Variants in DPRX observed in about 807,000 individuals in gnomAD.
DPRX encodes divergent paired-related homeobox.
In DPRX, 11 loss-of-function variants were observed where a neutral mutation model predicts 8.4. That is an observed-to-expected ratio of 1.31 (90% CI 0.82 to 2.17). DPRX has a LOEUF of 2.17. DPRX is among the 30% of genes most tolerant of loss of function. The pLI is 0.00. For missense variants in DPRX, 211 were observed against 236.7 expected, an observed-to-expected ratio of 0.89 and a Z score of 0.71; for synonymous variants, 72 against 87.0, an observed-to-expected ratio of 0.83 and a Z score of 0.96.
chr19:53,622,891 A>G, the DPRX span, among the ~76,000 whole-genome samples: 1 of 152,134 alleles, frequency 6.6e-6, no homozygotes, highest in Non-Finnish European at 1.5e-5. Flanking sequence ...TATTCTAACT[A>G]CTAGGGTCAC....
intron 1 of DPRX, 70 bp downstream of exon 1, chr19:53,632,204 A>T: frequency 6.2e-7 from 1 of 1,609,316 alleles, no homozygotes. Context: ...CGGCGGGAAA[A>T]GGCAGAGGGA....
chr19:53,632,353 T>G (rs2091095976), intron 1 of DPRX, among the ~76,000 whole-genome samples: 1 of 152,108 alleles, frequency 6.6e-6, no homozygotes, highest in Non-Finnish European at 1.5e-5. Context: ...CAGGCTGGAG[T>G]GCAGTGGCAC....
intron 1 of DPRX, among the ~76,000 whole-genome samples, chr19:53,632,552 G>A (rs553617629): frequency 3.3e-5 from 5 of 151,458 alleles, no homozygotes; most frequent in Admixed American, 6.6e-5. Context: ...CTTGTGATCC[G>A]TCTGGCTCAG....
At chr19:53,614,085 G>A in the DPRX span, among the ~76,000 whole-genome samples, 2 of 151,990 alleles carry the variant, frequency 1.3e-5, no homozygotes, top group Admixed American at 6.6e-5. Flanking sequence ...CCAAGTGCTG[G>A]GACTACAGGT....
the DPRX span, among the ~76,000 whole-genome samples, chr19:53,610,848 C>A: frequency 6.6e-6 from 1 of 152,114 alleles, no homozygotes; most frequent in Non-Finnish European, 1.5e-5. Flanking sequence ...GATTGGACAC[C>A]ACTGATTGTA....
chr19:53,634,549 C>G lies in DPRX; in HGVS notation c.47C>G (p.Ser16Ter), dbSNP rs1490760513. ...TTTCAAGGCAAGGACCAGATGCATT[C>G]ACACAGGAAACGAACCATGTTCACT... Residue 16 changes from serine to a stop codon, truncating the protein, a stop_gained, in exon 2 of 3, where the codon TCA (serine) becomes TGA (stop). Transcript: ENST00000376650. LOFTEE classifies it high-confidence loss of function. 1.2e-6 allele frequency: 2 copies of G among 1,613,454 alleles called. No individual in the cohort carries two copies. The highest frequency in any genetic ancestry group is 3.3e-5 in the Admixed American group (2 of 59,884).
intron 1 of DPRX, among the ~76,000 whole-genome samples, chr19:53,633,612 C>T (rs541041111): frequency 8.7e-4 from 133 of 152,198 alleles, no homozygotes; most frequent in Middle Eastern, 3.4e-3. Flanking sequence ...GAGGTTCAAG[C>T]GATTCTCCTG....
At chr19:53,618,154 AAG>A in the DPRX span, among the ~76,000 whole-genome samples, 63 of 60,074 alleles carry the variant, frequency 1.0e-3, no homozygotes, top group South Asian at 3.4e-3. Context: ...AAAAAAAAAA[AAG>A]AAAGAAAGAA....
the DPRX span, among the ~76,000 whole-genome samples, chr19:53,623,697 A>C: frequency 6.6e-6 from 1 of 151,916 alleles, no homozygotes; most frequent in African/African-American, 2.4e-5. Context: ...TAATCCCAAC[A>C]CTTTGGGATT....
chr19:53,601,521 A>G, the DPRX span: 2 of 345,666 alleles, frequency 5.8e-6, no homozygotes, highest in South Asian at 4.4e-5. Context: ...TTGCTGTGTC[A>G]CCCAGGCTGG....
the DPRX span, among the ~76,000 whole-genome samples, chr19:53,611,273 T>A: frequency 9.9e-5 from 15 of 151,956 alleles, no homozygotes; most frequent in Admixed American, 2.0e-4. Flanking sequence ...ATAATTTTTT[T>A]AAATTTTTTT....
chr19:53,610,761 A>T, the DPRX span, among the ~76,000 whole-genome samples: 15 of 152,246 alleles, frequency 9.9e-5, no homozygotes, highest in East Asian at 1.2e-3. Flanking sequence ...TTTTCAGCCC[A>T]TCAGCTATCG....
the DPRX span, chr19:53,601,483 CTTTTT>C: frequency 4.2e-5 from 13 of 308,750 alleles, no homozygotes; most frequent in Middle Eastern, 1.3e-3. Flanking sequence ...AATGCCTATT[CTTTTT>C]TTTTTTTTTT....
chr19:53,616,796 C>T, the DPRX span: 4 of 1,582,582 alleles, frequency 2.5e-6, no homozygotes, highest in East Asian at 9.0e-5. Context: ...GCCCTTGCTG[C>T]CACCAACATG....
intron 2 of DPRX, among the ~76,000 whole-genome samples, chr19:53,634,890 T>C (rs1187303382): frequency 6.6e-6 from 1 of 152,148 alleles, no homozygotes; most frequent in Non-Finnish European, 1.5e-5. Flanking sequence ...AGGTAGTAAA[T>C]AATTGAAGCT....
chr19:53,620,661 G>A, the DPRX span, among the ~76,000 whole-genome samples: 17 of 151,222 alleles, frequency 1.1e-4, no homozygotes, highest in East Asian at 2.1e-3. Context: ...CACCCCGCCC[G>A]GGGCAAAGCT....
chr19:53,618,523 C>T, the DPRX span, among the ~76,000 whole-genome samples: 4 of 150,788 alleles, frequency 2.7e-5, no homozygotes, highest in African/African-American at 4.9e-5. Context: ...GTAATCCTAG[C>T]ACTTTGGGAT....
chr19:53,616,735 C>T, the DPRX span: 2 of 1,324,150 alleles, frequency 1.5e-6, no homozygotes, highest in Non-Finnish European at 2.1e-6. Flanking sequence ...GCCTGGGCAA[C>T]AAGAGCGAAA....
the DPRX span, chr19:53,602,270 GTGTGTGT>G: frequency 8.1e-5 from 8 of 99,212 alleles, no homozygotes; most frequent in African/African-American, 2.7e-4. Context: ...GGGTATGGGT[GTGTGTGT>G]GTGTGTGTGT....
Sources: gnomAD v4.1 joint callset for allele counts (sites outside exome capture counted in the v4.1 genomes callset) on GRCh38, gnomAD v4.1.1 for gene constraint, MANE v1.5 for transcripts, NCBI Gene and HGNC (gene_info 2026-07-23, HGNC 2026-07-21) for gene names.